GSK3B: variants seen among roughly 807,000 people sequenced by gnomAD.
The protein encoded by GSK3B is glycogen synthase kinase-3 beta.
GSK3B carries 15 observed loss-of-function variants against 56.4 expected under a neutral mutation model. The ratio of observed to expected loss-of-function variants is 0.27; its 90% CI spans 0.18 to 0.41. The LOEUF (loss-of-function observed/expected upper bound fraction) is 0.41. GSK3B is among the 10% of genes least tolerant of loss of function. GSK3B has a pLI of 1.00. For synonymous variants in GSK3B, 181 were observed against 188.9 expected, an observed-to-expected ratio of 0.96 and a Z score of 0.34; for missense variants, 300 against 513.4, an observed-to-expected ratio of 0.58 and a Z score of 4.02.
In GSK3B at chr3:120,013,999, G is replaced by A. The variant is rs184760565; in HGVS notation, c.89-11760C>T. On this transcript the variant is annotated intron_variant, in intron 1 of 10. Transcript: ENST00000264235. Reference sequence around the variant, plus strand: ...AGCCTGGCCAACATGGCGAAACCCCGTCTCTACTAAAAGTACAAAAAGCTA... The same window carrying A: ...AGCCTGGCCAACATGGCGAAACCCCATCTCTACTAAAAGTACAAAAAGCTA... 9.6e-4 allele frequency among the ~76,000 whole-genome samples: 146 copies of A among 151,552 alleles called. 1 individual carries two copies. In the East Asian group the frequency reaches 0.026, roughly 27 times the overall value.
chr3:119,883,230 A>G (rs1217272805), intron 7 of GSK3B, among the ~76,000 whole-genome samples: 1 of 152,164 alleles, frequency 6.6e-6, no homozygotes, highest in Non-Finnish European at 1.5e-5. Context: ...TGGGATTTAC[A>G]ACATATTAAA....
chr3:120,094,395 G>T lies in GSK3B; in HGVS notation c.-961C>A. On this transcript the variant is annotated 5_prime_UTR_variant, in exon 1 of 11. Coordinates refer to ENST00000264235, the MANE Select transcript of GSK3B (RefSeq NM_001146156.2). Reference sequence around the variant, plus strand: ...TTGTCACTTGGCCCGGGCGGCGGCGGCGGCGGCGGCGGCACAAGCCCGCAT... The same window carrying T: ...TTGTCACTTGGCCCGGGCGGCGGCGTCGGCGGCGGCGGCACAAGCCCGCAT... 3.1e-6 allele frequency: 1 copy of T among 325,222 alleles called. No homozygotes were observed. Among genetic ancestry groups the T allele is most frequent in the South Asian group, 3.9e-5 (1 of 25,814 alleles). The allele number at this position is 325,222 out of a possible 1,614,324, so 20.1% of individuals were successfully genotyped here. A position where few individuals can be genotyped will look rare whatever the true frequency, so the allele number is the denominator to read the frequency against.
chr3:120,006,967 A>G (rs2057734658), intron 1 of GSK3B, among the ~76,000 whole-genome samples: 1 of 151,686 alleles, frequency 6.6e-6, no homozygotes, highest in Non-Finnish European at 1.5e-5. Context: ...AAAAAAAAAT[A>G]AATGAATCCA....
chr3:119,897,591 G>T (rs2056581456), intron 7 of GSK3B, among the ~76,000 whole-genome samples: 1 of 151,644 alleles, frequency 6.6e-6, no homozygotes. Flanking sequence ...TCATTTTTCT[G>T]GGGGGAAGTG....
In GSK3B at chr3:119,876,363, C is replaced by T. The variant is rs751932713; in HGVS notation, c.909+50G>A. ...AAATAGTTTAAGAACAATGAGAAAC[C>T]TGTTTTAGTTAACTACTGATTAATA... On this transcript the variant is annotated intron_variant, in intron 8 of 10. Transcript: ENST00000264235. 13 of 936,506 alleles carry T rather than the reference C, an allele frequency of 1.4e-5. No individual in the cohort carries two copies. In the Admixed American group the frequency reaches 1.6e-4, roughly 12 times the overall value. 58.0% of individuals were successfully genotyped at this position (936,506 alleles called of 1,614,324 possible).
chr3:119,875,940 A>T lies in GSK3B; in HGVS notation c.909+473T>A, dbSNP rs1372454245. Reference sequence around the variant, plus strand: ...CCAGCAAGATTACATTTGCTTTCTAATCTTGTTTCCAAAATGCCAGTAGGA... The same window carrying T: ...CCAGCAAGATTACATTTGCTTTCTATTCTTGTTTCCAAAATGCCAGTAGGA... On this transcript the variant is annotated intron_variant, in intron 8 of 10. Transcript: ENST00000264235. Among the ~76,000 whole-genome samples, 3 of 152,204 alleles carry T rather than the reference A, an allele frequency of 2.0e-5. No homozygotes were observed. The East Asian group carries it at 5.8e-4, about 29-fold the overall frequency.
intron 8 of GSK3B, among the ~76,000 whole-genome samples, chr3:119,865,446 ATATATATATATATATATATATTT>A (rs1383082800): frequency 3.1e-4 from 5 of 16,050 alleles, no homozygotes; most frequent in African/African-American, 6.5e-4. Context: ...ATATATATAT[ATATATATATATATATATATATTT>A]TTTTTTTTTT....
chr3:119,937,302 T>C (rs1344801205), intron 3 of GSK3B, among the ~76,000 whole-genome samples: 1 of 152,080 alleles, frequency 6.6e-6, no homozygotes, highest in Non-Finnish European at 1.5e-5. Context: ...GCCTTCCTCT[T>C]GGTAATGAAT....
chr3:119,946,617 A>G (rs1248901041), intron 3 of GSK3B, among the ~76,000 whole-genome samples: 1 of 152,212 alleles, frequency 6.6e-6, no homozygotes, highest in African/African-American at 2.4e-5. Context: ...ACACCAAGGA[A>G]AAACAGAAGA....
intron 1 of GSK3B, among the ~76,000 whole-genome samples, chr3:120,056,359 GAC>G (rs1365401901): frequency 1.3e-5 from 2 of 152,096 alleles, no homozygotes; most frequent in Non-Finnish European, 2.9e-5. Context: ...TGTTTTTTGA[GAC>G]ACAGTCTCGA....
At chr3:119,991,793 G>C (rs2057568917) in intron 2 of GSK3B, among the ~76,000 whole-genome samples, 1 of 151,902 alleles carries the variant, frequency 6.6e-6, no homozygotes, top group Non-Finnish European at 1.5e-5. Flanking sequence ...TTCCACAAAG[G>C]AAGGGTGATA....
chr3:119,865,467 T>TATATATATATATATATATATA (rs1491089884), intron 8 of GSK3B, among the ~76,000 whole-genome samples: 9 of 21,010 alleles, frequency 4.3e-4, no homozygotes, highest in African/African-American at 6.1e-4. Context: ...TATATATATA[T>TATATATATATATATATATATA]TTTTTTTTTT....
chr3:120,083,581 T>G (rs2058440045), intron 1 of GSK3B, among the ~76,000 whole-genome samples: 1 of 152,164 alleles, frequency 6.6e-6, no homozygotes, highest in Admixed American at 6.5e-5. Flanking sequence ...TGACTGTCAC[T>G]TTGAAACAGC....
chr3:119,954,743 C>T (rs1158957072), intron 2 of GSK3B, among the ~76,000 whole-genome samples: 2 of 152,000 alleles, frequency 1.3e-5, no homozygotes, highest in African/African-American at 4.8e-5. Flanking sequence ...GACATGGAGG[C>T]TTTTATTCAT....
intron 1 of GSK3B, among the ~76,000 whole-genome samples, chr3:120,060,819 A>C (rs201195644): frequency 6.6e-6 from 1 of 152,234 alleles, no homozygotes; most frequent in East Asian, 1.9e-4. Context: ...AATATGAGTT[A>C]CTAAGTTTCA....
At position 120,082,797 on chromosome 3, in the gene GSK3B, C is replaced by T. The variant is rs115014912; in HGVS notation, c.88+10550G>A. Among the ~76,000 whole-genome samples the T allele has an allele frequency of 4.8e-3, 737 of 152,156 alleles. 12 individuals are homozygous for T. The highest frequency in any genetic ancestry group is 0.017 in the African/African-American group (718 of 41,494). On this transcript the variant is annotated intron_variant, in intron 1 of 10. Coordinates refer to ENST00000264235, the MANE Select transcript of GSK3B (RefSeq NM_001146156.2). ...ATCTCAATAATTTTTATATTGATTA[C>T]ATCTTGATATATTATTAGTTTAGAT...
Position 119,823,154 on chromosome 3 carries a change from T to C in GSK3B, c.*3634A>G, listed in dbSNP as rs1245376488. On this transcript the variant is annotated 3_prime_UTR_variant, in exon 11 of 11. Coordinates refer to ENST00000264235, the MANE Select transcript of GSK3B (RefSeq NM_001146156.2). Reference sequence around the variant, plus strand: ...ATAGTAACCTTTGGTTTGGTAGTTTTTTCTTCTATTCAAGACATTTTATAT... The same window carrying C: ...ATAGTAACCTTTGGTTTGGTAGTTTCTTCTTCTATTCAAGACATTTTATAT... 2 of 230,062 alleles carry C rather than the reference T, an allele frequency of 8.7e-6. No homozygotes were observed. The highest frequency in any genetic ancestry group is 1.2e-4 in the East Asian group (2 of 16,182). The allele number at this position is 230,062 out of a possible 1,614,324, so 14.3% of individuals were successfully genotyped here. A position where few individuals can be genotyped will look rare whatever the true frequency, so the allele number is the denominator to read the frequency against.
chr3:119,995,221 C>G (rs2057603251), intron 2 of GSK3B, among the ~76,000 whole-genome samples: 1 of 151,152 alleles, frequency 6.6e-6, no homozygotes, highest in Non-Finnish European at 1.5e-5. Context: ...CTATGGTTAT[C>G]TACTTGGGAG....
Position 119,826,277 on chromosome 3 carries a change from TTAA to T in GSK3B, c.*508_*510del, listed in dbSNP as rs372898074. On this transcript the variant is annotated 3_prime_UTR_variant, in exon 11 of 11. Transcript: ENST00000264235. ...GTCTATAAATACCCGAAGATATGGA[TTAA>T]TTTTACAAGTGACATTTAAGTCCCC... 7.0e-6 allele frequency: 2 copies of T among 284,882 alleles called. No homozygotes were observed. Among genetic ancestry groups the T allele is most frequent in the African/African-American group, 4.4e-5 (2 of 45,574 alleles). The allele number at this position is 284,882 out of a possible 1,614,324, so 17.6% of individuals were successfully genotyped here.
Sources: gnomAD v4.1 joint callset for allele counts (sites outside exome capture counted in the v4.1 genomes callset) on GRCh38, gnomAD v4.1.1 for gene constraint, MANE v1.5 for transcripts, NCBI Gene and HGNC (gene_info 2026-07-23, HGNC 2026-07-21) for gene names.